The following MGAT4C variants were observed in gnomAD, a reference collection of about 807,000 sequenced individuals.
MGAT4C encodes the protein alpha-1,3-mannosyl-glycoprotein 4-beta-N-acetylglucosaminyltransferase C.
Under a neutral mutation model 40.1 loss-of-function variants are expected in MGAT4C, and 19 were observed. The observed-to-expected ratio is 0.47, with a 90% CI of 0.33 to 0.70. The LOEUF (loss-of-function observed/expected upper bound fraction) is 0.70, where lower values mean the gene tolerates loss of function less well. Among genes scored for constraint, MGAT4C ranks in the 30% least tolerant of loss-of-function variants. The pLI, the probability that MGAT4C is intolerant of heterozygous loss-of-function variation, is 0.02. For missense variants in MGAT4C, 491 were observed against 563.2 expected, an observed-to-expected ratio of 0.87 and a Z score of 1.30; for synonymous variants, 181 against 187.1, an observed-to-expected ratio of 0.97 and a Z score of 0.27.
At chr12:86,000,677 T>C (rs141221480) in intron 2 of MGAT4C, among the ~76,000 whole-genome samples, 110 of 152,302 alleles carry the variant, frequency 7.2e-4, no homozygotes, top group African/African-American at 2.5e-3. Context: ...TAATAAAGCA[T>C]TTTTATTAAA....
At chr12:86,426,049 A>G (rs1956919133) in intron 3 of MGAT4C, among the ~76,000 whole-genome samples, 1 of 152,246 alleles carries the variant, frequency 6.6e-6, no homozygotes, top group African/African-American at 2.4e-5. Flanking sequence ...ATGTTAATGC[A>G]ATAAACATAT....
At chr12:86,237,392 C>T (rs908602761) in intron 1 of MGAT4C, among the ~76,000 whole-genome samples, 4 of 151,564 alleles carry the variant, frequency 2.6e-5, no homozygotes, top group Non-Finnish European at 5.9e-5. Context: ...CAACACAGTA[C>T]CGAGCATGCT....
intron 2 of MGAT4C, among the ~76,000 whole-genome samples, chr12:86,708,196 C>T (rs1304148327): frequency 6.6e-6 from 1 of 152,166 alleles, no homozygotes; most frequent in South Asian, 2.1e-4. Context: ...GCCCTGCATC[C>T]CAGTTGTTCA....
intron 2 of MGAT4C, among the ~76,000 whole-genome samples, chr12:86,603,359 GTATATGC>G (rs1159800386): frequency 7.8e-6 from 1 of 128,864 alleles, no homozygotes; most frequent in Non-Finnish European, 1.6e-5. Flanking sequence ...ATATAGTATA[GTATATGC>G]TATATACTAT....
intron 2 of MGAT4C, among the ~76,000 whole-genome samples, chr12:86,716,987 T>C (rs1430941975): frequency 1.3e-5 from 2 of 152,086 alleles, no homozygotes; most frequent in South Asian, 2.1e-4. Context: ...TTTGCTCTAA[T>C]AATGAAAATG....
intron 3 of MGAT4C, among the ~76,000 whole-genome samples, chr12:86,413,682 G>C (rs1001924145): frequency 6.6e-6 from 1 of 151,850 alleles, no homozygotes; most frequent in Non-Finnish European, 1.5e-5. Flanking sequence ...GTAATTTTTC[G>C]GGGGGAATAA....
At chr12:86,744,702 C>A (rs1309724582) in intron 1 of MGAT4C, among the ~76,000 whole-genome samples, 1 of 151,436 alleles carries the variant, frequency 6.6e-6, no homozygotes, top group African/African-American at 2.4e-5. Context: ...CTTAGCATAA[C>A]AAATCCAGAG....
chr12:86,805,608 A>C (rs989237511), intron 1 of MGAT4C, among the ~76,000 whole-genome samples: 7 of 152,000 alleles, frequency 4.6e-5, no homozygotes, highest in African/African-American at 1.7e-4. Context: ...TTCTTTATCT[A>C]ATCAACTATT....
At chr12:86,440,463 T>C (rs540438277) in intron 2 of MGAT4C, among the ~76,000 whole-genome samples, 2 of 152,096 alleles carry the variant, frequency 1.3e-5, no homozygotes, top group South Asian at 4.2e-4. Context: ...AACCTAGGCA[T>C]AGAAGGAACA....
intron 4 of MGAT4C, among the ~76,000 whole-genome samples, chr12:86,269,637 A>T (rs1355803866): frequency 6.6e-6 from 1 of 151,346 alleles, no homozygotes; most frequent in Non-Finnish European, 1.5e-5. Context: ...TTTTCTTCTT[A>T]GAGAAACTGC....
chr12:86,552,091 C>A (rs1443616194), intron 2 of MGAT4C, among the ~76,000 whole-genome samples: 2 of 142,412 alleles, frequency 1.4e-5, no homozygotes, highest in African/African-American at 5.2e-5. Context: ...CAGTAATAGA[C>A]CTCAATCATA....
intron 1 of MGAT4C, among the ~76,000 whole-genome samples, chr12:86,245,817 A>C (rs913319802): frequency 6.6e-6 from 1 of 152,196 alleles, no homozygotes; most frequent in African/African-American, 2.4e-5. Flanking sequence ...TTCTACAACA[A>C]GAACAAATTA....
intron 2 of MGAT4C, chr12:86,013,582 C>T (rs2136829777): frequency 4.5e-6 from 1 of 223,568 alleles, no homozygotes; most frequent in Non-Finnish European, 7.5e-6. Context: ...TATTCCTATA[C>T]ATATAAATAA....
intron 1 of MGAT4C, among the ~76,000 whole-genome samples, chr12:86,826,647 G>A (rs994987706): frequency 6.6e-6 from 1 of 151,254 alleles, no homozygotes; most frequent in Non-Finnish European, 1.5e-5. Flanking sequence ...AAATCCAACA[G>A]AAATCATGGT....
At chr12:86,009,109 G>T (rs1262380426) in intron 2 of MGAT4C, among the ~76,000 whole-genome samples, 1 of 151,948 alleles carries the variant, frequency 6.6e-6, no homozygotes, top group Non-Finnish European at 1.5e-5. Context: ...TAAGTCTAGG[G>T]CTAATTTTGC....
intron 2 of MGAT4C, among the ~76,000 whole-genome samples, chr12:86,540,101 C>T (rs868710766): frequency 6.6e-6 from 1 of 152,296 alleles, no homozygotes; most frequent in Middle Eastern, 3.4e-3. Context: ...TTGCCCATGC[C>T]TATGTCCTGA....
chr12:86,366,898 T>A (rs1955610297), intron 3 of MGAT4C, among the ~76,000 whole-genome samples: 2 of 152,090 alleles, frequency 1.3e-5, no homozygotes, highest in South Asian at 4.1e-4. Flanking sequence ...CAATTAAAAA[T>A]GTATTTATAA....
chr12:86,690,085 C>T (rs904409286), intron 2 of MGAT4C, among the ~76,000 whole-genome samples: 3 of 152,230 alleles, frequency 2.0e-5, no homozygotes, highest in Non-Finnish European at 2.9e-5. Context: ...CCACCCAATT[C>T]GAACTTCCCA....
chr12:86,834,078 G>A (rs1435355519), intron 1 of MGAT4C, among the ~76,000 whole-genome samples: 2 of 151,418 alleles, frequency 1.3e-5, no homozygotes, highest in African/African-American at 4.9e-5. Context: ...TTCATTCAAC[G>A]ATGGATACCT....
Sources: gnomAD v4.1 joint callset for allele counts (sites outside exome capture counted in the v4.1 genomes callset) on GRCh38, gnomAD v4.1.1 for gene constraint, MANE v1.5 for transcripts, NCBI Gene and HGNC (gene_info 2026-07-23, HGNC 2026-07-21) for gene names.